The following NR2F1-AS1 variants were observed in gnomAD, a reference collection of about 807,000 sequenced individuals.
NR2F1-AS1 encodes the protein NR2F1 antisense RNA 1.
chr5:93,540,695 A>G (rs1751932210), intron 4 of NR2F1-AS1, among the ~76,000 whole-genome samples: 1 of 152,230 alleles, frequency 6.6e-6, no homozygotes, highest in African/African-American at 2.4e-5. Flanking sequence ...TATCCTAGAA[A>G]TGTGCAAGCC....
At chr5:93,411,662 T>A (rs1329972889) in intron 4 of NR2F1-AS1, among the ~76,000 whole-genome samples, 1 of 152,124 alleles carries the variant, frequency 6.6e-6, no homozygotes, top group African/African-American at 2.4e-5. Flanking sequence ...TGTCTAAAGC[T>A]TTATCTCCCT....
intron 4 of NR2F1-AS1, among the ~76,000 whole-genome samples, chr5:93,451,136 C>T (rs1330016492): frequency 6.6e-6 from 1 of 151,736 alleles, no homozygotes; most frequent in Non-Finnish European, 1.5e-5. Flanking sequence ...TTAACATTTT[C>T]AGGAAAGTGA....
At chr5:93,433,045 A>T (rs748305541) in intron 4 of NR2F1-AS1, among the ~76,000 whole-genome samples, 1 of 152,170 alleles carries the variant, frequency 6.6e-6, no homozygotes, top group Non-Finnish European at 1.5e-5. Context: ...CTTTTAGTAA[A>T]GTATATTTTC....
At chr5:93,473,661 G>A (rs571901726) in intron 4 of NR2F1-AS1, among the ~76,000 whole-genome samples, 6 of 150,694 alleles carry the variant, frequency 4.0e-5, no homozygotes, top group Admixed American at 3.3e-4. Context: ...ATTGAAGAAT[G>A]CTATAGTATA....
At chr5:93,531,982 C>G (rs114858524) in intron 4 of NR2F1-AS1, among the ~76,000 whole-genome samples, 2,203 of 152,234 alleles carry the variant, frequency 0.014, 63 homozygotes, top group African/African-American at 0.05. Context: ...GGAAGCCTAC[C>G]TCTCTACCTT....
chr5:93,567,426 G>C (rs1752644111), intron 1 of NR2F1-AS1, among the ~76,000 whole-genome samples: 1 of 152,086 alleles, frequency 6.6e-6, no homozygotes, highest in South Asian at 2.1e-4. Context: ...AAAAAAGTTT[G>C]CCATAGCTTT....
At chr5:93,462,937 GA>G (rs1428551600) in intron 4 of NR2F1-AS1, among the ~76,000 whole-genome samples, 1 of 152,196 alleles carries the variant, frequency 6.6e-6, no homozygotes, top group Admixed American at 6.5e-5. Flanking sequence ...CATAAGTTCA[GA>G]AAATTTGCAA....
chr5:93,583,720 A>T (rs1403518292), upstream of NR2F1-AS1: 1 of 152,192 alleles, frequency 6.6e-6, no homozygotes, highest in Non-Finnish European at 1.5e-5. Context: ...GTTATAGCAG[A>T]AGAAGCAGAA....
chr5:93,559,832 C>T (rs892056787), intron 2 of NR2F1-AS1, among the ~76,000 whole-genome samples: 2 of 152,088 alleles, frequency 1.3e-5, no homozygotes, highest in African/African-American at 2.4e-5. Flanking sequence ...TTACTAATAT[C>T]GAAGATCACA....
At chr5:93,535,967 G>C (rs1751829252) in intron 4 of NR2F1-AS1, among the ~76,000 whole-genome samples, 1 of 151,938 alleles carries the variant, frequency 6.6e-6, no homozygotes, top group Non-Finnish European at 1.5e-5. Context: ...TTAGACAAGA[G>C]AAAGAAATAA....
intron 4 of NR2F1-AS1, among the ~76,000 whole-genome samples, chr5:93,473,443 A>G (rs1750412461): frequency 6.6e-6 from 1 of 151,732 alleles, no homozygotes; most frequent in African/African-American, 2.4e-5. Context: ...AAATATACAG[A>G]GGTTTCTTTG....
intron 4 of NR2F1-AS1, among the ~76,000 whole-genome samples, chr5:93,503,946 T>C (rs1189411674): frequency 6.6e-6 from 1 of 152,146 alleles, no homozygotes; most frequent in Non-Finnish European, 1.5e-5. Flanking sequence ...GTCCTCCTAG[T>C]GAGTCACTGA....
At chr5:93,410,260 A>G (rs1162754304) in intron 4 of NR2F1-AS1, 1 of 152,178 alleles carries the variant, frequency 6.6e-6, no homozygotes, top group Non-Finnish European at 1.5e-5. Flanking sequence ...TTCCATCCCT[A>G]TCCTATCTTG....
intron 4 of NR2F1-AS1, among the ~76,000 whole-genome samples, chr5:93,436,825 A>G (rs1412026439): frequency 6.6e-6 from 1 of 152,136 alleles, no homozygotes; most frequent in Non-Finnish European, 1.5e-5. Context: ...AACATTAATT[A>G]TAATTTAAAT....
chr5:93,483,720 T>C (rs929770154), intron 4 of NR2F1-AS1, among the ~76,000 whole-genome samples: 1 of 152,108 alleles, frequency 6.6e-6, no homozygotes, highest in African/African-American at 2.4e-5. Context: ...TTAGACGAAT[T>C]GCTAACTAGA....
intron 4 of NR2F1-AS1, among the ~76,000 whole-genome samples, chr5:93,504,605 T>TGGGGAGGCCTCAGAATCACGG (rs1176219185): frequency 9.2e-5 from 14 of 152,010 alleles, no homozygotes; most frequent in African/African-American, 3.4e-4. Context: ...TCCACATGGC[T>TGGGGAGGCCTCAGAATCACGG]GGGGAGGCCT....
intron 1 of NR2F1-AS1, among the ~76,000 whole-genome samples, chr5:93,575,910 A>G (rs1241690872): frequency 2.6e-5 from 4 of 152,228 alleles, no homozygotes; most frequent in African/African-American, 9.6e-5. Context: ...AAATATTGAC[A>G]TATATATCCA....
intron 1 of NR2F1-AS1, among the ~76,000 whole-genome samples, chr5:93,578,843 AC>A (rs1415486702): frequency 6.6e-6 from 1 of 152,058 alleles, no homozygotes; most frequent in East Asian, 1.9e-4. Flanking sequence ...TCTATTAGGT[AC>A]CCTACCCCAC....
chr5:93,440,481 G>C (rs975622771), intron 4 of NR2F1-AS1, among the ~76,000 whole-genome samples: 1 of 152,136 alleles, frequency 6.6e-6, no homozygotes, highest in Non-Finnish European at 1.5e-5. Context: ...TTCAAACTAG[G>C]ACACTGGTTT....
Sources: gnomAD v4.1 joint callset for allele counts (sites outside exome capture counted in the v4.1 genomes callset) on GRCh38, gnomAD v4.1.1 for gene constraint, MANE v1.5 for transcripts, NCBI Gene and HGNC (gene_info 2026-07-23, HGNC 2026-07-21) for gene names.